The following TOMM20 variants were observed in gnomAD, a reference collection of about 807,000 sequenced individuals.
TOMM20 encodes the protein translocase of outer mitochondrial membrane 20, also known as mitochondrial import receptor subunit TOM20 homolog.
TOMM20 carries 10 observed loss-of-function variants against 22.1 expected under a neutral mutation model. The ratio of observed to expected loss-of-function variants is 0.45; its 90% CI spans 0.28 to 0.77. The LOEUF (loss-of-function observed/expected upper bound fraction) is 0.77, where lower values mean the gene tolerates loss of function less well. Among genes scored for constraint, TOMM20 ranks in the 30% least tolerant of loss-of-function variants. The pLI, the probability that TOMM20 is intolerant of heterozygous loss-of-function variation, is 0.13. For missense variants in TOMM20, 121 were observed against 172.2 expected (o/e 0.70, Z 1.66); for synonymous variants, 55 against 61.4 (o/e 0.90, Z 0.49).
At position 235,110,794 on chromosome 1, in the gene TOMM20, G is replaced by A. The variant is rs574213621; in HGVS notation, c.*1270C>T. The A allele has an allele frequency of 2.2e-4, 34 of 152,276 alleles. No individual in the cohort carries two copies. The highest frequency in any genetic ancestry group is 8.2e-4 in the African/African-American group (34 of 41,562). 9.4% of individuals were successfully genotyped at this position (152,276 alleles called of 1,614,324 possible). ...TCTCCAGACTTTTAGACAGAACAAAGGCAATCTTTACAATGAGAAATGCTC... is the reference window on the plus strand; with the variant it reads ...TCTCCAGACTTTTAGACAGAACAAAAGCAATCTTTACAATGAGAAATGCTC... On this transcript the variant is annotated 3_prime_UTR_variant, in exon 5 of 5. Transcript: ENST00000366607.
chr1:235,113,504 T>C (rs1660776572), intron 4 of TOMM20, among the ~76,000 whole-genome samples: 1 of 152,172 alleles, frequency 6.6e-6, no homozygotes, highest in Non-Finnish European at 1.5e-5. Flanking sequence ...GACCTGAATT[T>C]GGACAGTTGA....
At chr1:235,116,940 C>G (rs1348929364) in intron 3 of TOMM20, among the ~76,000 whole-genome samples, 1 of 151,266 alleles carries the variant, frequency 6.6e-6, no homozygotes, top group African/African-American at 2.4e-5. Context: ...TCGAGACCAT[C>G]CTGGCTAACA....
At chr1:235,126,186 A>C (rs1038568686) in intron 1 of TOMM20, among the ~76,000 whole-genome samples, 2 of 151,964 alleles carry the variant, frequency 1.3e-5, no homozygotes, top group African/African-American at 4.8e-5. Context: ...CCCAGGATGG[A>C]GTGCAGTGGT....
intron 2 of TOMM20, among the ~76,000 whole-genome samples, chr1:235,121,443 A>C (rs1045138071): frequency 5.9e-5 from 9 of 152,210 alleles, no homozygotes; most frequent in African/African-American, 2.2e-4. Context: ...ATAAGTTACC[A>C]AAAGCATAAT....
chr1:235,125,637 T>TA (rs1371468947), intron 1 of TOMM20, among the ~76,000 whole-genome samples: 5 of 151,848 alleles, frequency 3.3e-5, no homozygotes, highest in South Asian at 2.1e-4. Context: ...ACTCAAAATT[T>TA]AAAAAAAATT....
chr1:235,126,533 G>A (rs550612034), intron 1 of TOMM20, among the ~76,000 whole-genome samples: 5 of 152,102 alleles, frequency 3.3e-5, no homozygotes, highest in East Asian at 1.9e-4. Flanking sequence ...ATCCGGACGC[G>A]GTGGCTCACG....
intron 3 of TOMM20, among the ~76,000 whole-genome samples, chr1:235,114,894 C>T (rs1201771724): frequency 6.6e-6 from 1 of 151,944 alleles, no homozygotes; most frequent in African/African-American, 2.4e-5. Context: ...TTTTGAGACA[C>T]AATCTCCCTC....
intron 4 of TOMM20, among the ~76,000 whole-genome samples, chr1:235,113,264 G>C (rs554858825): frequency 6.6e-6 from 1 of 152,246 alleles, no homozygotes; most frequent in East Asian, 1.9e-4. Context: ...AGGGATTTGG[G>C]GATGTCGTCA....
intron 3 of TOMM20, among the ~76,000 whole-genome samples, chr1:235,118,254 A>T (rs1276371625): frequency 6.6e-6 from 1 of 152,242 alleles, no homozygotes. Flanking sequence ...AGATCGTCGT[A>T]AGTGGTATCT....
At chr1:235,120,789 C>T (rs1442662842) in intron 2 of TOMM20, among the ~76,000 whole-genome samples, 1 of 149,220 alleles carries the variant, frequency 6.7e-6, no homozygotes, top group Non-Finnish European at 1.5e-5. Context: ...ATTGCTTGAA[C>T]CCACGAGGTC....
At chr1:235,122,104 T>A (rs1660940346) in intron 2 of TOMM20, among the ~76,000 whole-genome samples, 1 of 152,166 alleles carries the variant, frequency 6.6e-6, no homozygotes, top group African/African-American at 2.4e-5. Context: ...CAGTAAGCTG[T>A]TTGTTGTTAT....
chr1:235,120,596 T>G (rs1660915046), intron 2 of TOMM20, among the ~76,000 whole-genome samples: 1 of 151,754 alleles, frequency 6.6e-6, no homozygotes. Flanking sequence ...AGACTGTTTT[T>G]TGAGACAGGG....
At chr1:235,121,248 TC>T in intron 2 of TOMM20, among the ~76,000 whole-genome samples, 1 of 151,768 alleles carries the variant, frequency 6.6e-6, no homozygotes, top group South Asian at 2.1e-4. Context: ...AAGTTTTTGG[TC>T]CTTGAATTAC....
At chr1:235,114,219 C>T (rs143385588) in intron 3 of TOMM20, among the ~76,000 whole-genome samples, 91 of 152,168 alleles carry the variant, frequency 6.0e-4, no homozygotes, top group African/African-American at 2.1e-3. Flanking sequence ...TGCTAACAAT[C>T]GCATAGTACT....
intron 1 of TOMM20, among the ~76,000 whole-genome samples, chr1:235,123,398 T>C (rs896631283): frequency 1.3e-5 from 2 of 152,100 alleles, no homozygotes; most frequent in South Asian, 2.1e-4. Context: ...GGCAGGAGAA[T>C]TGCTTGAACC....
chr1:235,112,191 T>A (rs1572125612), intron 4 of TOMM20, 83 bp from the exon 5 acceptor site: 3 of 1,101,158 alleles, frequency 2.7e-6, no homozygotes, highest in Non-Finnish European at 1.3e-6. Flanking sequence ...GCTCTTTGTA[T>A]TCAAAGAATT....
Position 235,109,766 on chromosome 1 carries a change from A to C in TOMM20, c.*2298T>G, listed in dbSNP as rs1372231265. ...TATCTTTGCCCAAAGAAGCACATCA[A>C]CTGTTGCACTAATACATTATTTTCC... On this transcript the variant is annotated 3_prime_UTR_variant, in exon 5 of 5. Coordinates refer to ENST00000366607, the MANE Select transcript of TOMM20 (RefSeq NM_014765.3). 6.6e-6 allele frequency: 1 copy of C among 152,236 alleles called. No homozygotes were observed. Among genetic ancestry groups the C allele is most frequent in the Admixed American group, 6.5e-5 (1 of 15,288 alleles). The allele number at this position is 152,236 out of a possible 1,614,324, so 9.4% of individuals were successfully genotyped here.
chr1:235,118,779 T>C (rs1660878012), intron 3 of TOMM20, among the ~76,000 whole-genome samples: 1 of 152,166 alleles, frequency 6.6e-6, no homozygotes, highest in South Asian at 2.1e-4. Context: ...CCTGCCTCAG[T>C]TCCCCAAAGT....
At chr1:235,125,307 C>T (rs1009726566) in intron 1 of TOMM20, among the ~76,000 whole-genome samples, 1 of 152,308 alleles carries the variant, frequency 6.6e-6, no homozygotes, top group Middle Eastern at 3.4e-3. Flanking sequence ...CTCCGCCTCC[C>T]GAGTTCACGC....
Sources: allele counts gnomAD v4.1 joint callset (sites outside exome capture counted in the v4.1 genomes callset), GRCh38; gene constraint gnomAD v4.1.1; transcripts MANE v1.5; gene names NCBI Gene and HGNC (gene_info 2026-07-23, HGNC 2026-07-21).